PCDH11X: variants seen among roughly 807,000 people sequenced by gnomAD.
PCDH11X encodes the protein protocadherin 11 X-linked, also known as protocadherin-11 X-linked.
Under a neutral mutation model 53.3 loss-of-function variants are expected in PCDH11X, and 18 were observed. That is an observed-to-expected ratio of 0.34 (90% CI 0.23 to 0.50). The LOEUF (loss-of-function observed/expected upper bound fraction) is 0.50, where lower values mean the gene tolerates loss of function less well. PCDH11X is among the 20% of genes least tolerant of loss of function. The probability of loss-of-function intolerance (pLI) is 0.98; values close to 1 mark genes in which losing one functional copy is unlikely to be tolerated. For missense variants in PCDH11X, 570 were observed against 1,032.4 expected, an observed-to-expected ratio of 0.55 and a Z score of 6.14; for synonymous variants, 279 against 393.3, an observed-to-expected ratio of 0.71 and a Z score of 3.44.
intron 6 of PCDH11X, among the ~76,000 whole-genome samples, chrX:92,062,450 G>T (rs1434492011): frequency 9.0e-6 from 1 of 111,584 alleles, no homozygotes; most frequent in Non-Finnish European, 1.9e-5. Flanking sequence ...ATATGATGTT[G>T]GCTGTGGGAA....
chrX:92,367,685 G>A (rs1353061670), intron 8 of PCDH11X, among the ~76,000 whole-genome samples: 3 of 111,631 alleles, frequency 2.7e-5, no homozygotes. Flanking sequence ...TTGTAAGGCA[G>A]GCCTGGTGGT....
intron 10 of PCDH11X, among the ~76,000 whole-genome samples, chrX:92,595,075 A>C (rs1384951787): frequency 9.1e-6 from 1 of 110,446 alleles, no homozygotes; most frequent in Admixed American, 9.7e-5. Context: ...AACAGGAAAA[A>C]ATTGGAGACA....
chrX:92,530,712 G>GT (rs923546680), intron 10 of PCDH11X, among the ~76,000 whole-genome samples: 3 of 111,730 alleles, frequency 2.7e-5, no homozygotes, highest in South Asian at 7.3e-4. Context: ...TTTAGCTTAA[G>GT]TTTTTTTTCA....
At chrX:92,463,866 G>GA (rs2073102259) in intron 9 of PCDH11X, among the ~76,000 whole-genome samples, 3 of 109,890 alleles carry the variant, frequency 2.7e-5, no homozygotes, top group South Asian at 3.9e-4. Context: ...TTCAGAAATG[G>GA]AAAAAAAAGT....
At chrX:92,056,788 A>G (rs1191695351) in intron 6 of PCDH11X, among the ~76,000 whole-genome samples, 1 of 111,506 alleles carries the variant, frequency 9.0e-6, no homozygotes, top group Middle Eastern at 4.7e-3. Flanking sequence ...TCAGCTTAAA[A>G]TCTGTTTTTT....
chrX:92,378,198 C>T (rs1261883763), intron 8 of PCDH11X, among the ~76,000 whole-genome samples: 2 of 102,030 alleles, frequency 2.0e-5, no homozygotes, highest in East Asian at 3.0e-4. Context: ...TTGATTTTTA[C>T]GAAAAATAAT....
chrX:92,300,521 G>A (rs34743966), intron 8 of PCDH11X, among the ~76,000 whole-genome samples: 5 of 110,733 alleles, frequency 4.5e-5, no homozygotes, highest in South Asian at 7.7e-4. Flanking sequence ...ACTGTCACCC[G>A]GGCTGGAATG....
chrX:92,499,673 A>C (rs1263178879), intron 10 of PCDH11X, among the ~76,000 whole-genome samples: 2 of 80,479 alleles, frequency 2.5e-5, no homozygotes, highest in African/African-American at 1.0e-4. Flanking sequence ...AAAAAAAAAA[A>C]AAAAAAAAGC....
chrX:92,436,604 G>C (rs1000714337), intron 9 of PCDH11X, among the ~76,000 whole-genome samples: 3 of 111,542 alleles, frequency 2.7e-5, no homozygotes, highest in African/African-American at 9.8e-5. Flanking sequence ...ATTGGATAAA[G>C]AAAACGTGGC....
intron 6 of PCDH11X, among the ~76,000 whole-genome samples, chrX:91,893,653 A>G (rs1288408345): frequency 5.4e-5 from 6 of 111,164 alleles, no homozygotes; most frequent in Admixed American, 2.9e-4. Context: ...TGTTCACCCC[A>G]AATAGAAATC....
intron 6 of PCDH11X, among the ~76,000 whole-genome samples, chrX:91,984,903 T>C (rs1569292741): frequency 9.0e-6 from 1 of 111,370 alleles, no homozygotes. Flanking sequence ...ACCTAAGACC[T>C]TAGCCTTGTG....
At chrX:92,390,694 A>G (rs757253207) in intron 9 of PCDH11X, among the ~76,000 whole-genome samples, 1 of 96,807 alleles carries the variant, frequency 1.0e-5, no homozygotes, top group South Asian at 5.3e-4. Context: ...AATGTATTAC[A>G]TCTTCAATCT....
At chrX:92,592,763 A>C (rs1344245615) in intron 10 of PCDH11X, among the ~76,000 whole-genome samples, 1 of 112,136 alleles carries the variant, frequency 8.9e-6, no homozygotes, top group Non-Finnish European at 1.9e-5. Context: ...TTCAAATGCC[A>C]GAAATATTGG....
At chrX:92,588,797 TCAATATC>T (rs769589136) in intron 10 of PCDH11X, among the ~76,000 whole-genome samples, 2 of 109,328 alleles carry the variant, frequency 1.8e-5, no homozygotes, top group African/African-American at 3.3e-5. Flanking sequence ...GAGAAATATA[TCAATATC>T]CAAGTATAAG....
chrX:91,943,502 A>G (rs1228748697), intron 6 of PCDH11X, among the ~76,000 whole-genome samples: 1 of 110,878 alleles, frequency 9.0e-6, no homozygotes, highest in Non-Finnish European at 1.9e-5. Context: ...GCACATGATC[A>G]TCATAGCAAA....
intron 7 of PCDH11X, among the ~76,000 whole-genome samples, chrX:92,254,180 A>G (rs2067516275): frequency 8.9e-6 from 1 of 112,185 alleles, no homozygotes; most frequent in African/African-American, 3.2e-5. Context: ...AATTGAAATG[A>G]TCATATGGTT....
At chrX:92,218,466 C>A (rs1182865289) in intron 7 of PCDH11X, among the ~76,000 whole-genome samples, 1 of 110,853 alleles carries the variant, frequency 9.0e-6, no homozygotes. Flanking sequence ...ATAAATTCCT[C>A]CATACATACA....
chrX:92,067,330 C>T (rs1282507822), intron 6 of PCDH11X, among the ~76,000 whole-genome samples: 5 of 109,590 alleles, frequency 4.6e-5, no homozygotes, highest in Admixed American at 9.8e-5. Context: ...TGTTGAGATA[C>T]GTTCCTTCTA....
intron 6 of PCDH11X, among the ~76,000 whole-genome samples, chrX:92,036,748 T>C (rs1462123180): frequency 9.1e-6 from 1 of 110,387 alleles, no homozygotes; most frequent in Admixed American, 9.7e-5. Context: ...TTGGCAGAGG[T>C]TGGAACAGTT....
Sources: gnomAD v4.1 joint callset for allele counts (sites outside exome capture counted in the v4.1 genomes callset) on GRCh38, gnomAD v4.1.1 for gene constraint, MANE v1.5 for transcripts, NCBI Gene and HGNC (gene_info 2026-07-23, HGNC 2026-07-21) for gene names.